SERPINB7: variants seen among roughly 807,000 people sequenced by gnomAD.
The protein encoded by SERPINB7 is serpin B7.
Under a neutral mutation model 37.4 loss-of-function variants are expected in SERPINB7, and 31 were observed. That is an observed-to-expected ratio of 0.83 (90% confidence interval 0.62 to 1.12). The LOEUF is 1.12. Among genes scored for constraint, SERPINB7 ranks in the 50% most tolerant of loss-of-function variants. The pLI is 0.00. For synonymous variants in SERPINB7, 163 were observed against 166.1 expected (o/e 0.98, Z 0.14); for missense variants, 521 against 455.3 (o/e 1.14, Z -1.31).
At chr18:63,761,115 G>C (rs568502506) in intron 1 of SERPINB7, among the ~76,000 whole-genome samples, 11 of 152,344 alleles carry the variant, frequency 7.2e-5, no homozygotes, top group African/African-American at 2.6e-4. Context: ...TGGGAGGCAG[G>C]CTGTATCCTG....
At chr18:63,778,886 G>T (rs977402937) in intron 1 of SERPINB7, among the ~76,000 whole-genome samples, 2 of 152,098 alleles carry the variant, frequency 1.3e-5, no homozygotes, top group Non-Finnish European at 2.9e-5. Context: ...GCTAATTTGT[G>T]TTAACTTTAA....
chr18:63,762,030 T>C (rs571069311), intron 1 of SERPINB7, among the ~76,000 whole-genome samples: 46 of 152,320 alleles, frequency 3.0e-4, no homozygotes, highest in Non-Finnish European at 5.0e-4. Context: ...TCTACTTCCA[T>C]GTTGTCCAAA....
chr18:63,769,725 G>C (rs1453918227), intron 1 of SERPINB7, among the ~76,000 whole-genome samples: 2 of 152,068 alleles, frequency 1.3e-5, no homozygotes, highest in African/African-American at 4.8e-5. Context: ...ATCTGAAACT[G>C]TATCATAATT....
At chr18:63,773,305 CAAAT>C (rs1439138472), upstream of SERPINB7, among the ~76,000 whole-genome samples, 2 of 152,040 alleles carry the variant, frequency 1.3e-5, no homozygotes, top group African/African-American at 4.8e-5. Context: ...ATCAAGCAAA[CAAAT>C]AAAACACAAA....
In SERPINB7 at chr18:63,804,384, G is replaced by A. The variant is rs1408241901; in HGVS notation, c.892G>A (p.Asp298Asn). The change falls in exon 8 of 8, where the codon GAT (aspartate) becomes AAT (asparagine). Residue 298 changes from aspartate (D) to asparagine (N), a missense_variant. Asp to Asn is a conservative substitution (Grantham distance 23, BLOSUM62 1). Coordinates refer to ENST00000398019, the MANE Select transcript of SERPINB7 (RefSeq NM_003784.4). Reference sequence around the variant, plus strand: ...ATATTTGAGAGCCCTAGGGCTGAAAGATATCTTTGATGAATCCAAAGCAGA... The same window carrying A: ...ATATTTGAGAGCCCTAGGGCTGAAAAATATCTTTGATGAATCCAAAGCAGA... Reference protein sequence around the residue: ...KQYLRALGLKDIFDESKADLS... With the variant: ...KQYLRALGLKNIFDESKADLS... 4 of 1,613,832 alleles carry A rather than the reference G, an allele frequency of 2.5e-6. No individual in the cohort carries two copies. Among genetic ancestry groups the A allele is most frequent in the East Asian group, 2.2e-5 (1 of 44,856 alleles).
intron 1 of SERPINB7, among the ~76,000 whole-genome samples, chr18:63,759,295 G>T (rs2049139652): frequency 6.6e-6 from 1 of 150,896 alleles, no homozygotes; most frequent in Non-Finnish European, 1.5e-5. Flanking sequence ...ATTACCTGGA[G>T]CATTGCTGTT....
rs141413419 is a variant in SERPINB7 at position 63,777,148 on chromosome 18, C to T, written c.-19+1432C>T. The stretch of plus-strand genomic sequence containing the variant: ...TGCCTCCCTTAAATACAATGTTCCC[C>T]AAATACAGCATAAATACCATGTTAG... On this transcript the variant is annotated intron_variant, in intron 1 of 7. Transcript: ENST00000398019. Among the ~76,000 whole-genome samples, 3 of 152,102 alleles carry T rather than the reference C, an allele frequency of 2.0e-5. No homozygotes were observed. The East Asian group carries it at 5.8e-4, about 29-fold the overall frequency.
At chr18:63,802,897 T>A (rs1370465982) in intron 7 of SERPINB7, among the ~76,000 whole-genome samples, 3 of 152,202 alleles carry the variant, frequency 2.0e-5, no homozygotes, top group African/African-American at 7.2e-5. Flanking sequence ...GCAAGAGAAA[T>A]GTCATAAAAT....
At chr18:63,761,976 T>A (rs2049156761) in intron 1 of SERPINB7, among the ~76,000 whole-genome samples, 1 of 152,240 alleles carries the variant, frequency 6.6e-6, no homozygotes, top group South Asian at 2.1e-4. Context: ...CAGGTCTACA[T>A]TTCTGTGGAA....
chr18:63,801,457 G>T (rs2049548474), intron 7 of SERPINB7, among the ~76,000 whole-genome samples: 1 of 152,174 alleles, frequency 6.6e-6, no homozygotes. Flanking sequence ...CCTGCCTGCT[G>T]CACAGACAAA....
At position 63,793,167 on chromosome 18, in the gene SERPINB7, C is replaced by T. The variant is rs372032753; in HGVS notation, c.226C>T (p.Leu76Phe). 3 of 1,544,664 alleles carry T rather than the reference C, an allele frequency of 1.9e-6. No homozygotes were observed. Among genetic ancestry groups the T allele is most frequent in the Admixed American group, 1.8e-5 (1 of 55,342 alleles). ...YGNSSNSQSG[L>F]QSQLKRVFSD... ...TACATCTTTTTAATAACAGTCAGGG[C>T]TCCAGTCTCAACTGAAAAGAGTTTT... Residue 76 changes from leucine to phenylalanine, a missense_variant, in exon 4 of 8, where the codon CTC becomes TTC. Coordinates refer to ENST00000398019, the MANE Select transcript of SERPINB7 (RefSeq NM_003784.4).
At chr18:63,795,640 G>T (rs1183647968) in intron 4 of SERPINB7, among the ~76,000 whole-genome samples, 1 of 151,712 alleles carries the variant, frequency 6.6e-6, no homozygotes, top group African/African-American at 2.4e-5. Context: ...TATCTGTCCA[G>T]GAGAGACAGC....
intron 1 of SERPINB7, among the ~76,000 whole-genome samples, chr18:63,766,843 C>T (rs2049183390): frequency 6.6e-6 from 1 of 152,150 alleles, no homozygotes; most frequent in Non-Finnish European, 1.5e-5. Flanking sequence ...CTTTCAATTC[C>T]CTCTAGTCAT....
At chr18:63,774,249 T>C (rs1185249467), upstream of SERPINB7, among the ~76,000 whole-genome samples, 1 of 152,138 alleles carries the variant, frequency 6.6e-6, no homozygotes, top group Non-Finnish European at 1.5e-5. Flanking sequence ...TATTCGATTT[T>C]GGATAAGTTA....
intron 1 of SERPINB7, among the ~76,000 whole-genome samples, chr18:63,760,027 T>A (rs772376484): frequency 1.5e-4 from 23 of 152,176 alleles, no homozygotes; most frequent in Non-Finnish European, 3.2e-4. Flanking sequence ...TGGAAGTGAC[T>A]TTGGAACTGG....
chr18:63,796,205 AT>A, intron 4 of SERPINB7, 60 bp from the exon 5 acceptor site: 1 of 972,004 alleles, frequency 1.0e-6, no homozygotes. Flanking sequence ...TCAAAAATAC[AT>A]TTCTTATATA....
At chr18:63,785,214 C>T (rs2049352216) in intron 2 of SERPINB7, among the ~76,000 whole-genome samples, 3 of 152,202 alleles carry the variant, frequency 2.0e-5, no homozygotes, top group South Asian at 2.1e-4. Flanking sequence ...TTCTCCCCTG[C>T]TTCAGTTGGT....
At chr18:63,771,620 C>G (rs1227931203), upstream of SERPINB7, among the ~76,000 whole-genome samples, 1 of 152,008 alleles carries the variant, frequency 6.6e-6, no homozygotes. Flanking sequence ...TTAAAGGCAT[C>G]CTTCTAAGGG....
chr18:63,790,459 T>C (rs1463436462), intron 2 of SERPINB7, among the ~76,000 whole-genome samples: 1 of 152,214 alleles, frequency 6.6e-6, no homozygotes, highest in East Asian at 1.9e-4. Context: ...AAATCCTCTA[T>C]CAGACTAATA....
Sources: gnomAD v4.1 joint callset for allele counts (sites outside exome capture counted in the v4.1 genomes callset) on GRCh38, gnomAD v4.1.1 for gene constraint, MANE v1.5 for transcripts, NCBI Gene and HGNC (gene_info 2026-07-23, HGNC 2026-07-21) for gene names.